The following MAF variants were observed in gnomAD, a reference collection of about 807,000 sequenced individuals.
The protein encoded by MAF is MAF bZIP transcription factor.
In MAF, 10 loss-of-function variants were observed where a neutral mutation model predicts 22.0. The ratio of observed to expected loss-of-function variants is 0.45; its 90% confidence interval spans 0.28 to 0.77. The LOEUF (loss-of-function observed/expected upper bound fraction) is 0.77. Among genes scored for constraint, MAF ranks in the 30% least tolerant of loss-of-function variants. The pLI, the probability that MAF is intolerant of heterozygous loss-of-function variation, is 0.12. For synonymous variants in MAF, 337 were observed against 255.8 expected (o/e 1.32, Z -3.03); for missense variants, 544 against 548.4 (o/e 0.99, Z 0.08).
At chr16:79,264,758 TACTC>T in the MAF span, among the ~76,000 whole-genome samples, 1 of 152,202 alleles carries the variant, frequency 6.6e-6, no homozygotes, top group Non-Finnish European at 1.5e-5. Context: ...CTAGGAAACT[TACTC>T]AGCAGCCCAC....
At chr16:79,245,537 C>G in the MAF span, among the ~76,000 whole-genome samples, 1 of 151,940 alleles carries the variant, frequency 6.6e-6, no homozygotes, top group South Asian at 2.1e-4. Context: ...GAATGGCGAT[C>G]ATTAAAAAGT....
At chr16:79,477,139 A>T in the MAF span, among the ~76,000 whole-genome samples, 1 of 152,180 alleles carries the variant, frequency 6.6e-6, no homozygotes, top group East Asian at 1.9e-4. Context: ...GTGGGAACTG[A>T]TACAATTACG....
At chr16:79,209,520 G>T in the MAF span, among the ~76,000 whole-genome samples, 4 of 152,292 alleles carry the variant, frequency 2.6e-5, no homozygotes, top group East Asian at 7.7e-4. Flanking sequence ...TAGAGGGCGG[G>T]AGGCTGGACT....
At chr16:79,486,044 G>C in the MAF span, among the ~76,000 whole-genome samples, 5 of 152,196 alleles carry the variant, frequency 3.3e-5, no homozygotes, top group East Asian at 9.6e-4. Flanking sequence ...ACACATCACA[G>C]AGAAAATAAA....
At chr16:79,587,554 G>C (rs1052722494) in intron 1 of MAF, among the ~76,000 whole-genome samples, 1 of 152,114 alleles carries the variant, frequency 6.6e-6, no homozygotes. Flanking sequence ...CATATGTTAA[G>C]CTTCGGCAAG....
the MAF span, among the ~76,000 whole-genome samples, chr16:79,344,196 A>G: frequency 5.9e-5 from 9 of 152,182 alleles, no homozygotes; most frequent in Non-Finnish European, 1.0e-4. Context: ...ATACTGCTCA[A>G]CAGCCCAGGA....
chr16:79,542,967 A>T, the MAF span, among the ~76,000 whole-genome samples: 1 of 152,228 alleles, frequency 6.6e-6, no homozygotes, highest in Admixed American at 6.5e-5. Context: ...AGGATTGCAT[A>T]TGTGTGTGCA....
the MAF span, among the ~76,000 whole-genome samples, chr16:79,355,176 A>G: frequency 1.6e-3 from 241 of 152,338 alleles, 4 homozygotes; most frequent in African/African-American, 5.5e-3. Flanking sequence ...TCCAGAATAC[A>G]TTGGCAGTAC....
At chr16:79,317,538 CCTTG>C in the MAF span, among the ~76,000 whole-genome samples, 2 of 149,502 alleles carry the variant, frequency 1.3e-5, no homozygotes, top group South Asian at 4.4e-4. Flanking sequence ...TTCCTTCCTT[CCTTG>C]CTTTCTTCCT....
the MAF span, among the ~76,000 whole-genome samples, chr16:79,395,373 T>C: frequency 6.6e-6 from 1 of 152,170 alleles, no homozygotes; most frequent in Non-Finnish European, 1.5e-5. Flanking sequence ...CCAGGTTGAA[T>C]AGGGTTTTCT....
chr16:79,295,343 C>G, the MAF span, among the ~76,000 whole-genome samples: 1 of 152,154 alleles, frequency 6.6e-6, no homozygotes, highest in African/African-American at 2.4e-5. Context: ...GGCTCAGAAA[C>G]TTTAGCACAG....
the MAF span, among the ~76,000 whole-genome samples, chr16:79,258,788 G>A: frequency 6.6e-6 from 1 of 152,188 alleles, no homozygotes; most frequent in Admixed American, 6.5e-5. Context: ...CTGTTGGCAA[G>A]TATAGTGCTA....
downstream of MAF, among the ~76,000 whole-genome samples, chr16:79,593,567 G>T (rs1347246302): frequency 6.6e-6 from 1 of 152,214 alleles, no homozygotes; most frequent in East Asian, 1.9e-4. Flanking sequence ...TTTCCCATCG[G>T]AGGGGTCTGT....
the MAF span, among the ~76,000 whole-genome samples, chr16:79,371,682 A>G: frequency 1.3e-5 from 2 of 152,212 alleles, no homozygotes; most frequent in African/African-American, 4.8e-5. Flanking sequence ...CCTCCTCATC[A>G]TTCAGGCCTC....
chr16:79,516,830 C>A, the MAF span, among the ~76,000 whole-genome samples: 127,341 of 152,170 alleles, frequency 0.84, 53,563 homozygotes, highest in East Asian at 0.92. Flanking sequence ...ACAGAGCTAA[C>A]GTCTCAGGGC....
Position 79,594,592 on chromosome 16 carries a change from C to G in MAF, c.1119-39G>C. On this transcript the variant is annotated intron_variant, in intron 1 of 1. Transcript: ENST00000326043. ...GAAAGGAATTTTAACACTATTTAGA[C>G]AAAGATCAAACGCAGCGTAAAGGGG... is the stretch of plus-strand genomic sequence containing the variant. The G allele has an allele frequency of 2.6e-6, 4 of 1,550,484 alleles. 1 individual carries two copies. The South Asian group carries it at 4.8e-5, about 18-fold the overall frequency.
At chr16:79,303,771 C>A in the MAF span, among the ~76,000 whole-genome samples, 1 of 152,100 alleles carries the variant, frequency 6.6e-6, no homozygotes, top group Non-Finnish European at 1.5e-5. Flanking sequence ...TGCCACAAGC[C>A]AATGTTTATT....
the MAF span, among the ~76,000 whole-genome samples, chr16:79,357,403 G>A: frequency 6.6e-6 from 1 of 152,214 alleles, no homozygotes; most frequent in Non-Finnish European, 1.5e-5. Context: ...TGAGCCAACA[G>A]TTGGGGCAAC....
chr16:79,535,234 G>T, the MAF span, among the ~76,000 whole-genome samples: 2,468 of 152,174 alleles, frequency 0.016, 31 homozygotes, highest in Admixed American at 0.032. Context: ...TGTAGACATT[G>T]CTTTTCACAC....
Sources: gnomAD v4.1 joint callset for allele counts (sites outside exome capture counted in the v4.1 genomes callset) on GRCh38, gnomAD v4.1.1 for gene constraint, MANE v1.5 for transcripts, NCBI Gene and HGNC (gene_info 2026-07-23, HGNC 2026-07-21) for gene names.